Variants in SRPK1 observed in about 807,000 individuals in gnomAD.
The protein encoded by SRPK1 is SFRS protein kinase 1.
Under a neutral mutation model 89.5 loss-of-function variants are expected in SRPK1, and 52 were observed. The observed-to-expected ratio is 0.58, with a 90% CI of 0.46 to 0.73. SRPK1 has a LOEUF of 0.73. SRPK1 is among the 30% of genes least tolerant of loss of function. The pLI, the probability that SRPK1 is intolerant of heterozygous loss-of-function variation, is 0.00. For synonymous variants in SRPK1, 255 were observed against 270.2 expected, an observed-to-expected ratio of 0.94 and a Z score of 0.55; for missense variants, 603 against 780.6, an observed-to-expected ratio of 0.77 and a Z score of 2.71.
chr6:35,909,257 C>A (rs1246281837), intron 2 of SRPK1, among the ~76,000 whole-genome samples: 2 of 152,254 alleles, frequency 1.3e-5, no homozygotes, highest in East Asian at 3.8e-4. Flanking sequence ...GGATGTGAGA[C>A]ACAGAGTCAA....
intron 2 of SRPK1, among the ~76,000 whole-genome samples, chr6:35,892,128 G>A (rs986677800): frequency 1.3e-5 from 2 of 152,106 alleles, no homozygotes; most frequent in African/African-American, 4.8e-5. Flanking sequence ...AGCCACACAT[G>A]GGCTTTTGGT....
chr6:35,917,236 A>G (rs1412475647), intron 2 of SRPK1, among the ~76,000 whole-genome samples: 2 of 152,230 alleles, frequency 1.3e-5, no homozygotes, highest in African/African-American at 4.8e-5. Context: ...AAGGGCACCC[A>G]AACCCCCAAG....
At chr6:35,875,250 ACTT>A (rs974621787) in intron 6 of SRPK1, among the ~76,000 whole-genome samples, 152 of 150,266 alleles carry the variant, frequency 1.0e-3, no homozygotes, top group Non-Finnish European at 1.9e-4. Flanking sequence ...CAACATGGAG[ACTT>A]CTTTTTTTTT....
chr6:35,898,228 G>A (rs891688209), intron 2 of SRPK1, among the ~76,000 whole-genome samples: 4 of 152,186 alleles, frequency 2.6e-5, no homozygotes, highest in Admixed American at 6.5e-5. Context: ...CAGCAACTTG[G>A]ATGGAGCTGG....
chr6:35,901,730 T>C (rs1037201461), intron 2 of SRPK1, among the ~76,000 whole-genome samples: 1 of 152,200 alleles, frequency 6.6e-6, no homozygotes, highest in Non-Finnish European at 1.5e-5. Context: ...CTACACACAA[T>C]GGAACTCAAT....
At chr6:35,916,212 G>A (rs908964251) in intron 2 of SRPK1, among the ~76,000 whole-genome samples, 3 of 144,140 alleles carry the variant, frequency 2.1e-5, no homozygotes, top group Non-Finnish European at 4.5e-5. Context: ...TGACAAGAGC[G>A]AAGACTCTGC....
chr6:35,860,930 A>G (rs1769769007), intron 12 of SRPK1, among the ~76,000 whole-genome samples: 1 of 152,164 alleles, frequency 6.6e-6, no homozygotes, highest in African/African-American at 2.4e-5. Flanking sequence ...GTACGTGAAG[A>G]GGATTCCAAG....
chr6:35,854,913 G>A (rs1164941175), intron 13 of SRPK1, among the ~76,000 whole-genome samples: 1 of 152,108 alleles, frequency 6.6e-6, no homozygotes, highest in Non-Finnish European at 1.5e-5. Flanking sequence ...GCTTTAAAGT[G>A]TGGCAAGAAA....
intron 15 of SRPK1, among the ~76,000 whole-genome samples, chr6:35,835,690 A>T (rs1769164132): frequency 6.6e-6 from 1 of 152,110 alleles, no homozygotes; most frequent in African/African-American, 2.4e-5. Context: ...CGGCTCCAAA[A>T]ATTTAAGGTA....
intron 6 of SRPK1, among the ~76,000 whole-genome samples, chr6:35,881,426 CATATAGATATAGATATAGATATAG>C (rs56083624): frequency 0.24 from 35,678 of 147,120 alleles, 4,866 homozygotes; most frequent in South Asian, 0.37. Context: ...GTAGAATACA[CATATAGATATAGATATAGATATAG>C]ATATAGATAT....
intron 12 of SRPK1, among the ~76,000 whole-genome samples, chr6:35,863,468 A>AATT (rs1769827126): frequency 1.3e-5 from 2 of 151,134 alleles, no homozygotes; most frequent in Admixed American, 6.6e-5. Context: ...AAAAAAAAAA[A>AATT]AATTAATTAA....
chr6:35,911,588 A>G (rs981773171), intron 2 of SRPK1, among the ~76,000 whole-genome samples: 1 of 151,824 alleles, frequency 6.6e-6, no homozygotes, highest in Non-Finnish European at 1.5e-5. Flanking sequence ...TTTTTAAAAA[A>G]TAAGTTTCTT....
chr6:35,919,899 A>T (rs1411359663), intron 2 of SRPK1, among the ~76,000 whole-genome samples: 1 of 152,232 alleles, frequency 6.6e-6, no homozygotes, highest in Non-Finnish European at 1.5e-5. Context: ...CTGTATACAC[A>T]GCGGTCTGCC....
At chr6:35,900,738 G>A (rs1278052167) in intron 2 of SRPK1, among the ~76,000 whole-genome samples, 1 of 152,206 alleles carries the variant, frequency 6.6e-6, no homozygotes, top group Non-Finnish European at 1.5e-5. Flanking sequence ...GGAGGTGAGC[G>A]ATGCTGGGAG....
At chr6:35,893,723 C>T (rs1281990206) in intron 2 of SRPK1, among the ~76,000 whole-genome samples, 1 of 152,128 alleles carries the variant, frequency 6.6e-6, no homozygotes, top group Non-Finnish European at 1.5e-5. Flanking sequence ...CAGGTAGCCT[C>T]CTATTTACTC....
rs1416620395 is a variant in SRPK1 at position 35,835,298 on chromosome 6, AG to A, written c.*5del. 7 of 1,611,316 alleles carry A rather than the reference AG, an allele frequency of 4.3e-6. No individual in the cohort carries two copies. The African/African-American group carries it at 5.3e-5, about 12-fold the overall frequency. ...TGTGATCTCTGCTGTGGTGCTGGGC[AG>A]GGGCTTAGGAGTTAAGCCAAGGGTG... On this transcript the variant is annotated 3_prime_UTR_variant, in exon 16 of 16. Coordinates refer to ENST00000373825, the MANE Select transcript of SRPK1 (RefSeq NM_003137.5).
At chr6:35,911,045 A>C (rs1018884006) in intron 2 of SRPK1, among the ~76,000 whole-genome samples, 2 of 152,238 alleles carry the variant, frequency 1.3e-5, no homozygotes, top group Admixed American at 1.3e-4. Context: ...CCCATGGATC[A>C]AGGAGTCATT....
Position 35,874,087 on chromosome 6 carries a change from A to C in SRPK1, c.585+146T>G. The C allele has an allele frequency of 8.3e-6, 5 of 605,482 alleles. No individual in the cohort carries two copies. The South Asian group carries it at 1.0e-4, about 12-fold the overall frequency. 37.5% of individuals were successfully genotyped at this position (605,482 alleles called of 1,614,324 possible). ...CGTGATCTGCCCGCCTCGGCCTCCC[A>C]AAGTGCTGGGATTACAGGAATGAGC... is the stretch of plus-strand genomic sequence containing the variant. On this transcript the variant is annotated intron_variant, in intron 7 of 15. Coordinates refer to ENST00000373825, the MANE Select transcript of SRPK1 (RefSeq NM_003137.5).
intron 7 of SRPK1, among the ~76,000 whole-genome samples, chr6:35,873,711 A>T (rs890185142): frequency 6.6e-6 from 1 of 152,084 alleles, no homozygotes; most frequent in African/African-American, 2.4e-5. Flanking sequence ...GCTGGTCTCG[A>T]GCTCCTGACC....
Sources: allele counts gnomAD v4.1 joint callset (sites outside exome capture counted in the v4.1 genomes callset), GRCh38; gene constraint gnomAD v4.1.1; transcripts MANE v1.5; gene names NCBI Gene and HGNC (gene_info 2026-07-23, HGNC 2026-07-21).